CTNNA3: variants seen among roughly 807,000 people sequenced by gnomAD.
CTNNA3 encodes the protein catenin alpha 3.
In CTNNA3, 76 loss-of-function variants were observed where a neutral mutation model predicts 95.7. The ratio of observed to expected loss-of-function variants is 0.79; its 90% CI spans 0.66 to 0.96. The LOEUF is 0.96. Ranked by LOEUF, CTNNA3 falls within the 40% of genes least tolerant of loss-of-function variation. The pLI, the probability that CTNNA3 is intolerant of heterozygous loss-of-function variation, is 0.00. For missense variants in CTNNA3, 1,191 were observed against 1,089.8 expected (o/e 1.09, Z -1.31); for synonymous variants, 431 against 374.4 (o/e 1.15, Z -1.74).
chr10:67,016,963 T>C (rs1416637644), intron 7 of CTNNA3, among the ~76,000 whole-genome samples: 2 of 152,134 alleles, frequency 1.3e-5, no homozygotes, highest in Non-Finnish European at 2.9e-5. Flanking sequence ...TCTAATTAGT[T>C]CACATAAATT....
At chr10:66,046,706 T>C (rs1461478602) in intron 15 of CTNNA3, among the ~76,000 whole-genome samples, 1 of 151,620 alleles carries the variant, frequency 6.6e-6, no homozygotes, top group African/African-American at 2.4e-5. Flanking sequence ...AATAATAAGA[T>C]AGATAGGCTA....
At chr10:67,364,227 C>T (rs529223223) in intron 5 of CTNNA3, among the ~76,000 whole-genome samples, 1 of 152,276 alleles carries the variant, frequency 6.6e-6, no homozygotes, top group African/African-American at 2.4e-5. Context: ...ACAAAAACCA[C>T]ATGATTATCT....
At chr10:66,589,832 C>A (rs1229509032) in intron 10 of CTNNA3, among the ~76,000 whole-genome samples, 8 of 152,062 alleles carry the variant, frequency 5.3e-5, no homozygotes, top group Admixed American at 4.6e-4. Flanking sequence ...AGGACCATCC[C>A]ACACATTTCA....
chr10:66,907,616 C>A (rs1480378618), intron 7 of CTNNA3, among the ~76,000 whole-genome samples: 1 of 152,124 alleles, frequency 6.6e-6, no homozygotes, highest in Non-Finnish European at 1.5e-5. Flanking sequence ...ATGTTAGGAA[C>A]TTTCAGATTT....
intron 11 of CTNNA3, among the ~76,000 whole-genome samples, chr10:66,465,518 G>A (rs190334899): frequency 1.2e-4 from 18 of 152,246 alleles, no homozygotes; most frequent in African/African-American, 1.9e-4. Flanking sequence ...GCACTGAAGC[G>A]TGTTTTTCAA....
chr10:66,576,975 T>A (rs1440867747), intron 10 of CTNNA3, among the ~76,000 whole-genome samples: 1 of 97,180 alleles, frequency 1.0e-5, no homozygotes, highest in African/African-American at 3.1e-5. Context: ...CCCTTTTCTC[T>A]GCAGCTTAAA....
At chr10:67,212,521 T>C (rs986851588) in intron 6 of CTNNA3, among the ~76,000 whole-genome samples, 5 of 151,978 alleles carry the variant, frequency 3.3e-5, no homozygotes, top group African/African-American at 9.7e-5. Context: ...TTTTATTCAT[T>C]ATGGCCTCAT....
At chr10:67,588,404 C>A (rs933528207) in intron 3 of CTNNA3, among the ~76,000 whole-genome samples, 1 of 151,768 alleles carries the variant, frequency 6.6e-6, no homozygotes, top group African/African-American at 2.4e-5. Flanking sequence ...TGGGTGGGGC[C>A]CTTTGGCTTT....
At chr10:67,375,099 T>C (rs1173928613) in intron 5 of CTNNA3, among the ~76,000 whole-genome samples, 1 of 152,188 alleles carries the variant, frequency 6.6e-6, no homozygotes, top group African/African-American at 2.4e-5. Flanking sequence ...TTTTAGTGTA[T>C]GCTTGGTCTT....
chr10:67,456,938 C>CAAAAA (rs1240256356), intron 5 of CTNNA3, among the ~76,000 whole-genome samples: 1 of 151,898 alleles, frequency 6.6e-6, no homozygotes, highest in Non-Finnish European at 1.5e-5. Flanking sequence ...AACAAACAAA[C>CAAAAA]AAAAAAACAT....
At chr10:66,487,153 G>A (rs1839758982) in intron 11 of CTNNA3, among the ~76,000 whole-genome samples, 1 of 73,100 alleles carries the variant, frequency 1.4e-5, no homozygotes, top group African/African-American at 5.4e-5. Flanking sequence ...ATACTCTGTT[G>A]TTTACTTGAA....
At chr10:67,501,096 C>T (rs1352534284) in intron 5 of CTNNA3, among the ~76,000 whole-genome samples, 1 of 152,162 alleles carries the variant, frequency 6.6e-6, no homozygotes, top group African/African-American at 2.4e-5. Context: ...TTTGCAGTGG[C>T]TGGTACCAGT....
In CTNNA3 at chr10:66,444,970, T is replaced by C. The variant is rs143106178; in HGVS notation, c.1532-65618A>G. 7.4e-4 allele frequency among the ~76,000 whole-genome samples: 112 copies of C among 151,812 alleles called. 2 individuals are homozygous for C. The East Asian group carries it at 0.02, about 28-fold the overall frequency. ...CACGCATGGGCTCAAAATAAAAGGA[T>C]GGAGGAAGATCTACCAAGCAAATGG... On this transcript the variant is annotated intron_variant, in intron 11 of 17. Transcript: ENST00000433211.
chr10:65,988,823 C>T, intron 15 of CTNNA3, 26 bp from the exon 16 acceptor site: 1 of 1,532,468 alleles, frequency 6.5e-7, no homozygotes, highest in Non-Finnish European at 9.0e-7. Context: ...TATATGTTAG[C>T]TGTGGTGTTC....
chr10:66,728,813 C>T (rs1202286269), intron 9 of CTNNA3, among the ~76,000 whole-genome samples: 2 of 152,160 alleles, frequency 1.3e-5, no homozygotes, highest in African/African-American at 2.4e-5. Context: ...ATCTCGAACT[C>T]CTGACCTCAA....
chr10:66,360,899 T>TTC (rs368267520), intron 12 of CTNNA3, among the ~76,000 whole-genome samples: 31 of 107,916 alleles, frequency 2.9e-4, no homozygotes, highest in African/African-American at 5.7e-4. Context: ...CTTTATTTCT[T>TTC]TCTCTCTCTC....
At chr10:66,639,053 G>C (rs1469792160) in intron 9 of CTNNA3, among the ~76,000 whole-genome samples, 1 of 152,042 alleles carries the variant, frequency 6.6e-6, no homozygotes, top group Non-Finnish European at 1.5e-5. Flanking sequence ...AATAGAGTCT[G>C]TGAGCCAGGG....
intron 1 of CTNNA3, among the ~76,000 whole-genome samples, chr10:67,739,717 A>C (rs1168677635): frequency 1.3e-5 from 2 of 152,206 alleles, no homozygotes; most frequent in Admixed American, 6.5e-5. Flanking sequence ...AATATCGTGA[A>C]AATGGCCATA....
intron 13 of CTNNA3, among the ~76,000 whole-genome samples, chr10:66,250,989 C>T (rs993915874): frequency 3.9e-5 from 6 of 152,126 alleles, no homozygotes; most frequent in African/African-American, 1.4e-4. Context: ...TCATATTGCC[C>T]TGCCTTGTAG....
Sources: allele counts gnomAD v4.1 joint callset (sites outside exome capture counted in the v4.1 genomes callset), GRCh38; gene constraint gnomAD v4.1.1; transcripts MANE v1.5; gene names NCBI Gene and HGNC (gene_info 2026-07-23, HGNC 2026-07-21).